Variants in ADAM22 observed in about 807,000 individuals in gnomAD.
The protein encoded by ADAM22 is ADAM metallopeptidase domain 22.
ADAM22 carries 65 observed loss-of-function variants against 144.6 expected under a neutral mutation model. The observed-to-expected ratio is 0.45, with a 90% CI of 0.37 to 0.55. The LOEUF (loss-of-function observed/expected upper bound fraction) is 0.55. Among genes scored for constraint, ADAM22 ranks in the 20% least tolerant of loss-of-function variants. The pLI, the probability that ADAM22 is intolerant of heterozygous loss-of-function variation, is 0.00. For missense variants in ADAM22, 974 were observed against 1,184.9 expected (o/e 0.82, Z 2.61); for synonymous variants, 391 against 412.6 (o/e 0.95, Z 0.63).
intron 3 of ADAM22, among the ~76,000 whole-genome samples, chr7:87,998,813 G>C (rs936529014): frequency 6.6e-6 from 1 of 152,178 alleles, no homozygotes; most frequent in Non-Finnish European, 1.5e-5. Context: ...GACATCTTGA[G>C]AATTCTGCCT....
At chr7:88,131,248 T>A in intron 10 of ADAM22, 21 bp from the exon 11 acceptor site, 2 of 1,602,404 alleles carry the variant, frequency 1.2e-6, no homozygotes, top group Non-Finnish European at 1.7e-6. Flanking sequence ...AGCTGATGTG[T>A]TCATTTTATT....
chr7:87,935,942 TA>T (rs1187283343), intron 2 of ADAM22, among the ~76,000 whole-genome samples: 1 of 152,260 alleles, frequency 6.6e-6, no homozygotes, highest in Non-Finnish European at 1.5e-5. Flanking sequence ...TGGGGCTGTG[TA>T]TTTTTTTATT....
intron 4 of ADAM22, among the ~76,000 whole-genome samples, chr7:88,091,969 A>G (rs1377215059): frequency 6.7e-6 from 1 of 149,578 alleles, no homozygotes; most frequent in Non-Finnish European, 1.5e-5. Flanking sequence ...CGCTTTTTTT[A>G]AAAACTATTT....
intron 14 of ADAM22, among the ~76,000 whole-genome samples, chr7:88,141,533 G>GT (rs370237508): frequency 0.025 from 3,777 of 151,610 alleles, 74 homozygotes; most frequent in Middle Eastern, 0.068. Flanking sequence ...TTCTTACCTT[G>GT]TTTTTTTTCC....
At chr7:88,125,949 C>T (rs1168473979) in intron 8 of ADAM22, among the ~76,000 whole-genome samples, 2 of 151,950 alleles carry the variant, frequency 1.3e-5, no homozygotes, top group Non-Finnish European at 2.9e-5. Context: ...AGGCTTCTTT[C>T]CTTGCCCAGA....
Position 88,179,005 on chromosome 7 carries a change from G to A in ADAM22, c.2371G>A (p.Gly791Arg), listed in dbSNP as rs1432222859. The change falls in exon 27 of 32, where the codon GGA becomes AGA. Residue 791 changes from glycine to arginine, a missense_variant. This residue lies in a region of ADAM22 where 734 missense variants were observed against 950.6 expected (regional missense o/e 0.77). Coordinates refer to ENST00000413139, the MANE Select transcript of ADAM22 (RefSeq NM_001324418.2). ...CTCTTTTTATAGCGACATTCCTCCCGGAGTCAGCACAAACTCAGCATCTAG... is the reference window on the plus strand; with the variant it reads ...CTCTTTTTATAGCGACATTCCTCCCAGAGTCAGCACAAACTCAGCATCTAG... ...GDSFYSDIPP[G>R]VSTNSASSSK... 9 of 1,613,104 alleles carry A rather than the reference G, an allele frequency of 5.6e-6. No individual in the cohort carries two copies. The highest frequency in any genetic ancestry group is 1.3e-5 in the African/African-American group (1 of 74,858).
intron 2 of ADAM22, among the ~76,000 whole-genome samples, chr7:87,974,853 C>T (rs1178109517): frequency 6.6e-6 from 1 of 152,176 alleles, no homozygotes; most frequent in Non-Finnish European, 1.5e-5. Flanking sequence ...TTTCTAGAGG[C>T]TGTCTGCATT....
At chr7:88,060,484 T>C (rs1284808100) in intron 3 of ADAM22, among the ~76,000 whole-genome samples, 1 of 152,140 alleles carries the variant, frequency 6.6e-6, no homozygotes, top group Non-Finnish European at 1.5e-5. Context: ...AAATACACTG[T>C]TTTTGGCTGG....
At chr7:87,981,736 C>T (rs186976818) in intron 3 of ADAM22, among the ~76,000 whole-genome samples, 32 of 152,108 alleles carry the variant, frequency 2.1e-4, no homozygotes, top group African/African-American at 7.5e-4. Flanking sequence ...GGATAAAAGA[C>T]AGGATCTGAA....
intron 4 of ADAM22, among the ~76,000 whole-genome samples, chr7:88,080,522 C>A (rs528831722): frequency 6.6e-6 from 1 of 152,072 alleles, no homozygotes; most frequent in East Asian, 1.9e-4. Flanking sequence ...GAAATAGAGA[C>A]ACAAAAAGCC....
chr7:87,964,062 C>T (rs1848552238), intron 2 of ADAM22, among the ~76,000 whole-genome samples: 1 of 152,178 alleles, frequency 6.6e-6, no homozygotes, highest in South Asian at 2.1e-4. Context: ...CATCACTAGA[C>T]ACTGTTACTA....
At chr7:88,019,857 ATGTGTGTGTGTG>A (rs35909431) in intron 3 of ADAM22, among the ~76,000 whole-genome samples, 277 of 139,052 alleles carry the variant, frequency 2.0e-3, no homozygotes, top group African/African-American at 6.0e-3. Context: ...CTCAAAAAAT[ATGTGTGTGTGTG>A]TGTGTGTGTG....
At chr7:88,082,180 C>T (rs1164439953) in intron 4 of ADAM22, among the ~76,000 whole-genome samples, 1 of 152,062 alleles carries the variant, frequency 6.6e-6, no homozygotes, top group East Asian at 1.9e-4. Context: ...AGAAATAACG[C>T]CGCATATCTA....
chr7:88,095,279 A>G (rs1304284946), intron 4 of ADAM22, among the ~76,000 whole-genome samples: 1 of 152,192 alleles, frequency 6.6e-6, no homozygotes, highest in Non-Finnish European at 1.5e-5. Flanking sequence ...AGAAGCACCC[A>G]CGGGAACTTG....
chr7:88,166,331 T>C (rs145449171), intron 24 of ADAM22, among the ~76,000 whole-genome samples: 1 of 152,162 alleles, frequency 6.6e-6, no homozygotes, highest in East Asian at 1.9e-4. Flanking sequence ...TTTAAAATAT[T>C]TTAATATTCT....
At position 88,186,479 on chromosome 7, in the gene ADAM22, C is replaced by G. The variant is rs556691423; in HGVS notation, c.2664-136C>G. On this transcript the variant is annotated intron_variant, in intron 29 of 31. Transcript: ENST00000413139. Reference sequence around the variant, plus strand: ...ATTGTATAGACTGCCTCATAATCACCCAACATCCATTCTGGTTTATTTGCC... The same window carrying G: ...ATTGTATAGACTGCCTCATAATCACGCAACATCCATTCTGGTTTATTTGCC... 9.7e-6 allele frequency: 7 copies of G among 724,922 alleles called. No homozygotes were observed. In the Admixed American group the frequency reaches 1.6e-4, roughly 16 times the overall value. 44.9% of individuals were successfully genotyped at this position (724,922 alleles called of 1,614,324 possible). A position where few individuals can be genotyped will look rare whatever the true frequency, so the allele number is the denominator to read the frequency against.
rs776033066 is a variant in ADAM22 at position 88,165,936 on chromosome 7, G to C, written c.2181G>C (p.Leu727=). Residue 727 remains leucine (L), a synonymous_variant, in exon 24 of 32, where the codon CTG becomes CTC. Coordinates refer to ENST00000413139, the MANE Select transcript of ADAM22 (RefSeq NM_001324418.2). ...HNDDAKTGIT[L]SGNGVAGTNI... ...ATGATGCAAAGACTGGTATCACTCT[G>C]TCTGGCAATGGTAAGTACTTAATTT... 5.6e-6 allele frequency: 9 copies of C among 1,607,906 alleles called. No homozygotes were observed. Among genetic ancestry groups the C allele is most frequent in the Non-Finnish European group, 7.6e-6 (9 of 1,177,042 alleles).
chr7:87,964,561 G>T (rs527973031), intron 2 of ADAM22: 2 of 375,546 alleles, frequency 5.3e-6, no homozygotes, highest in Non-Finnish European at 1.0e-5. Context: ...AGAATAATTT[G>T]ATTATTTTTC....
intron 24 of ADAM22, among the ~76,000 whole-genome samples, chr7:88,167,372 C>G (rs139555392): frequency 2.4e-4 from 37 of 152,242 alleles, no homozygotes; most frequent in African/African-American, 8.7e-4. Flanking sequence ...CTGTGATGAT[C>G]CCCTTAAAGA....
Sources: gnomAD v4.1 joint callset for allele counts (sites outside exome capture counted in the v4.1 genomes callset) on GRCh38, gnomAD v4.1.1 for gene constraint, gnomAD v4.1.1 regional missense constraint, MANE v1.5 for transcripts, NCBI Gene and HGNC (gene_info 2026-07-23, HGNC 2026-07-21) for gene names.